Variants in DCDC1 observed in about 807,000 individuals in gnomAD.
DCDC1 encodes doublecortin domain-containing protein 1.
A neutral mutation model predicts 178.3 loss-of-function variants in DCDC1; 200 were observed. The ratio of observed to expected loss-of-function variants is 1.12; its 90% CI spans 1.00 to 1.26. DCDC1 has a LOEUF of 1.26. Ranked by LOEUF, DCDC1 falls within the 50% of genes most tolerant of loss-of-function variation. DCDC1 has a pLI of 0.00. For missense variants in DCDC1, 1,983 were observed against 1,749.2 expected (o/e 1.13, Z -2.38); for synonymous variants, 690 against 604.8 (o/e 1.14, Z -2.07).
intron 9 of DCDC1, among the ~76,000 whole-genome samples, chr11:31,224,084 C>T (rs1472694512): frequency 2.0e-5 from 3 of 151,992 alleles, no homozygotes; most frequent in Non-Finnish European, 4.4e-5. Flanking sequence ...TCTCTTGCTG[C>T]CACCATGTAA....
At chr11:31,284,223 A>G (rs1591639343) in intron 7 of DCDC1, among the ~76,000 whole-genome samples, 1 of 152,204 alleles carries the variant, frequency 6.6e-6, no homozygotes, top group South Asian at 2.1e-4. Context: ...TTTTTAAGAC[A>G]GGACACATTA....
chr11:30,909,761 T>C (rs1945316635), intron 28 of DCDC1, among the ~76,000 whole-genome samples: 2 of 152,302 alleles, frequency 1.3e-5, no homozygotes, highest in South Asian at 4.1e-4. Flanking sequence ...ATTTCATTGA[T>C]TATCAAAGAG....
rs1956143989 is a variant in DCDC1, at chr11:31,064,538, T to C, written c.2522A>G (p.Glu841Gly). 2.6e-6 allele frequency: 2 copies of C among 765,986 alleles called. No homozygotes were observed. Among genetic ancestry groups the C allele is most frequent in the Non-Finnish European group, 4.8e-6 (2 of 417,596 alleles). 47.4% of individuals were successfully genotyped at this position (765,986 alleles called of 1,614,324 possible). ...THLMPEGSLE[E>G]TGELTVALVR... is the part of the protein sequence containing the mutation. Reference sequence around the variant, plus strand: ...CAGTGCTACTGTCAGCTCCCCCGTCTCCTCAAGAGAACCTTCTGGCATTAA... The same window carrying C: ...CAGTGCTACTGTCAGCTCCCCCGTCCCCTCAAGAGAACCTTCTGGCATTAA... Residue 841 changes from glutamate (E) to glycine (G), a missense_variant, in exon 20 of 39, where the codon GAG becomes GGG. Physicochemically the swap from Glu to Gly is moderately conservative, Grantham distance 98 (BLOSUM62 -2). Transcript: ENST00000684477.
chr11:31,133,693 GT>G (rs869146116), intron 10 of DCDC1, among the ~76,000 whole-genome samples: 13 of 151,002 alleles, frequency 8.6e-5, no homozygotes, highest in Non-Finnish European at 1.6e-4. Context: ...ATTTTTGTGG[GT>G]TTTTTTTTGT....
chr11:30,928,649 T>C (rs1946742198), intron 22 of DCDC1, among the ~76,000 whole-genome samples: 1 of 149,002 alleles, frequency 6.7e-6, no homozygotes, highest in African/African-American at 2.5e-5. Context: ...TGCCCTAAAG[T>C]AATCTCTTTC....
intron 37 of DCDC1, among the ~76,000 whole-genome samples, chr11:30,879,329 G>A (rs959025448): frequency 6.6e-6 from 1 of 152,112 alleles, no homozygotes; most frequent in Non-Finnish European, 1.5e-5. Context: ...AATGGGTATA[G>A]GCATGTAGTT....
chr11:31,255,255 AC>A (rs1385280273), intron 8 of DCDC1, among the ~76,000 whole-genome samples: 2 of 152,156 alleles, frequency 1.3e-5, no homozygotes, highest in Non-Finnish European at 2.9e-5. Flanking sequence ...GTTGCTATAA[AC>A]ATGCATGTAC....
chr11:30,973,626 G>C (rs1190135892), intron 20 of DCDC1, among the ~76,000 whole-genome samples: 1 of 152,014 alleles, frequency 6.6e-6, no homozygotes, highest in East Asian at 1.9e-4. Flanking sequence ...AACAGACGTT[G>C]GTTTAAAATA....
rs144371995 is a variant in DCDC1, at chr11:30,911,356, C to T, written c.3718G>A (p.Glu1240Lys). The T allele has an allele frequency of 5.3e-3, 8,549 of 1,605,604 alleles. 36 individuals carry two copies. Among genetic ancestry groups the T allele is most frequent in the Non-Finnish European group, 5.7e-3 (6,739 of 1,175,972 alleles). The part of the protein sequence containing the change: ...LAVSMTKTRN[E>K]VCGYPVIVQK... ...ACAATAACTGGATAGCCACAAACTT[C>T]ATTTCTAGTCTTGGTCATAGACACT... is the stretch of plus-strand genomic sequence containing the variant. The change falls in exon 28 of 39, where the codon GAA (glutamate) becomes AAA (lysine). Residue 1240 changes from glutamate to lysine, a missense_variant. Transcript: ENST00000684477.
intron 20 of DCDC1, among the ~76,000 whole-genome samples, chr11:31,032,935 G>C (rs1459537455): frequency 6.6e-6 from 1 of 151,978 alleles, no homozygotes. Context: ...AAAAGATAGC[G>C]GCGCCTGCTT....
chr11:30,880,771 G>C (rs528185411), intron 37 of DCDC1, among the ~76,000 whole-genome samples: 35 of 152,128 alleles, frequency 2.3e-4, no homozygotes, highest in South Asian at 1.0e-3. Flanking sequence ...TATTACTAAA[G>C]AAAAGAAACT....
chr11:31,225,776 A>G (rs898226165), intron 9 of DCDC1, among the ~76,000 whole-genome samples: 19 of 150,582 alleles, frequency 1.3e-4, no homozygotes, highest in Admixed American at 4.6e-4. Context: ...TGAAAAAAAA[A>G]TCTGAAGAAA....
chr11:31,160,737 C>T (rs1366243750), intron 9 of DCDC1, among the ~76,000 whole-genome samples: 2 of 152,040 alleles, frequency 1.3e-5, no homozygotes, highest in Non-Finnish European at 2.9e-5. Flanking sequence ...TAATGAAGGG[C>T]ATTTCTTTAA....
At chr11:31,136,004 T>C (rs1478044433) in intron 10 of DCDC1, among the ~76,000 whole-genome samples, 1 of 152,090 alleles carries the variant, frequency 6.6e-6, no homozygotes, top group African/African-American at 2.4e-5. Context: ...AATTACAATG[T>C]TTAAAAGGAA....
intron 36 of DCDC1, among the ~76,000 whole-genome samples, chr11:30,884,506 A>G (rs1420844514): frequency 2.6e-5 from 4 of 152,208 alleles, no homozygotes; most frequent in African/African-American, 9.6e-5. Context: ...TCATTCTTAG[A>G]AAACTTAGGT....
intron 3 of DCDC1, among the ~76,000 whole-genome samples, chr11:31,326,835 T>C (rs183806320): frequency 2.0e-5 from 3 of 152,188 alleles, no homozygotes; most frequent in Non-Finnish European, 4.4e-5. Context: ...GAATAATATA[T>C]TGATTTTCTT....
intron 25 of DCDC1, among the ~76,000 whole-genome samples, chr11:30,918,053 A>T (rs554849131): frequency 1.5e-3 from 235 of 152,240 alleles, no homozygotes; most frequent in Middle Eastern, 3.4e-3. Context: ...AGTTAAAAAA[A>T]ACAACAGCGC....
chr11:30,903,656 C>G lies in DCDC1; in HGVS notation c.4336G>C (p.Gly1446Arg). Residue 1446 changes from glycine (G) to arginine (R), a missense_variant, in exon 32 of 39, where the codon GGG (glycine) becomes CGG (arginine). Physicochemically the swap from Gly to Arg is moderately radical, Grantham distance 125 (BLOSUM62 -2). Transcript: ENST00000684477. Reference protein sequence around the residue: ...MLLTECTEQLGLARAASKVYT... With the variant: ...MLLTECTEQLRLARAASKVYT... ...ACTTTGGAGGCTGCTCTGGCAAGCC[C>G]AAGTTGTTCCGTGCATTCTGTAAGA... 1 of 1,607,998 alleles carries G rather than the reference C, an allele frequency of 6.2e-7. No individual in the cohort carries two copies. The highest frequency in any genetic ancestry group is 8.5e-7 in the Non-Finnish European group (1 of 1,177,088).
chr11:31,120,925 G>A (rs1393535225), intron 11 of DCDC1, among the ~76,000 whole-genome samples: 3 of 152,180 alleles, frequency 2.0e-5, no homozygotes, highest in Non-Finnish European at 4.4e-5. Flanking sequence ...GGGATGAAGA[G>A]GAGGAGGAGT....
Sources: allele counts gnomAD v4.1 joint callset (sites outside exome capture counted in the v4.1 genomes callset), GRCh38; gene constraint gnomAD v4.1.1; transcripts MANE v1.5; gene names NCBI Gene and HGNC (gene_info 2026-07-23, HGNC 2026-07-21).